The following SPSB1 variants were observed in gnomAD, a reference collection of about 807,000 sequenced individuals.
SPSB1 encodes splA/ryanodine receptor domain and SOCS box containing 1.
In SPSB1, 8 loss-of-function variants were observed where a neutral mutation model predicts 21.2. The observed-to-expected ratio is 0.38, with a 90% CI of 0.22 to 0.68. SPSB1 has a LOEUF of 0.68. SPSB1 is among the 30% of genes least tolerant of loss of function. The pLI, the probability that SPSB1 is intolerant of heterozygous loss-of-function variation, is 0.53. For missense variants in SPSB1, 242 were observed against 377.8 expected, an observed-to-expected ratio of 0.64 and a Z score of 2.98; for synonymous variants, 169 against 161.7, an observed-to-expected ratio of 1.05 and a Z score of -0.34.
intron 1 of SPSB1, chr1:9,339,319 G>A: frequency 2.0e-6 from 2 of 984,994 alleles, no homozygotes; most frequent in Non-Finnish European, 2.4e-6. Flanking sequence ...CATGTGGGTG[G>A]TCTCGGGTGG....
chr1:9,367,797 C>A lies in SPSB1; in HGVS notation c.*222C>A. The A allele has an allele frequency of 1.5e-6, 1 of 650,314 alleles. No individual in the cohort carries two copies. The highest frequency in any genetic ancestry group is 2.6e-6 in the Non-Finnish European group (1 of 387,290). The allele number at this position is 650,314 out of a possible 1,614,324, so 40.3% of individuals were successfully genotyped here. ...CCGACATCAGCAGAAGGCAGCATCC[C>A]TGCATGCCGTCCGTATACAACCCCT... On this transcript the variant is annotated 3_prime_UTR_variant, in exon 3 of 3. Coordinates refer to ENST00000328089, the MANE Select transcript of SPSB1 (RefSeq NM_025106.4). This position sits in a 1 kb window ranked among gnomAD's most constrained non-coding sequence, Gnocchi z 5.9.
chr1:9,321,708 G>A lies in SPSB1; in HGVS notation c.-150+28637G>A, dbSNP rs553996715. Among the ~76,000 whole-genome samples the A allele has an allele frequency of 1.3e-5, 2 of 152,218 alleles. No homozygotes were observed. The highest frequency in any genetic ancestry group is 4.1e-4 in the South Asian group (2 of 4,822). On this transcript the variant is annotated intron_variant, in intron 1 of 2. Coordinates refer to ENST00000328089, the MANE Select transcript of SPSB1 (RefSeq NM_025106.4). The surrounding 1 kb of genome is among the most constrained non-coding windows in gnomAD (Gnocchi z 4.8). Reference sequence around the variant, plus strand: ...CACTGTAATGTGCCCTTGACTCCAGGACCAGCCTGATGGCAGAGATCTTAA... The same window carrying A: ...CACTGTAATGTGCCCTTGACTCCAGAACCAGCCTGATGGCAGAGATCTTAA...
intron 1 of SPSB1, among the ~76,000 whole-genome samples, chr1:9,307,776 T>C (rs1432324805): frequency 6.6e-6 from 1 of 152,234 alleles, no homozygotes; most frequent in African/African-American, 2.4e-5. Context: ...CTATTAAAAA[T>C]GACACCTGTT....
chr1:9,350,040 A>C (rs988689183), intron 1 of SPSB1, among the ~76,000 whole-genome samples: 16 of 152,014 alleles, frequency 1.1e-4, no homozygotes, highest in African/African-American at 3.9e-4. Context: ...AAGACACACC[A>C]CACACATATA....
intron 1 of SPSB1, among the ~76,000 whole-genome samples, chr1:9,314,833 C>A (rs898748445): frequency 6.6e-6 from 1 of 152,160 alleles, no homozygotes; most frequent in African/African-American, 2.4e-5. Flanking sequence ...CCCCCGGGGT[C>A]AGGAAGGAGG....
At chr1:9,322,920 C>T (rs758255203) in intron 1 of SPSB1, among the ~76,000 whole-genome samples, 2 of 142,842 alleles carry the variant, frequency 1.4e-5, no homozygotes, top group Non-Finnish European at 3.1e-5. Context: ...TGTCTGGCTG[C>T]GTCAGACGTC....
At chr1:9,327,426 C>G (rs1569421) in intron 1 of SPSB1, among the ~76,000 whole-genome samples, 35,029 of 151,766 alleles carry the variant, frequency 0.23, 4,966 homozygotes, top group East Asian at 0.46. Context: ...AAATGAGGTT[C>G]TGGGGTGTAA....
intron 1 of SPSB1, among the ~76,000 whole-genome samples, chr1:9,294,246 CTT>C (rs1026391094): frequency 1.4e-5 from 2 of 145,820 alleles, no homozygotes; most frequent in South Asian, 2.3e-4. Flanking sequence ...CTTTGTGTCT[CTT>C]TGTGTGTCCA....
rs1434645294 is a variant in SPSB1, at chr1:9,367,418, C to T, written c.695-30C>T. On this transcript the variant is annotated intron_variant, in intron 2 of 2. Coordinates refer to ENST00000328089, the MANE Select transcript of SPSB1 (RefSeq NM_025106.4). The surrounding 1 kb of genome is among the most constrained non-coding windows in gnomAD (Gnocchi z 5.9). ...GTTTGCTGAACACCCACCCAAGCTG[C>T]GCTGACCTGCAGTTTCTCTGTCTCC... 15 of 1,612,774 alleles carry T rather than the reference C, an allele frequency of 9.3e-6. No individual in the cohort carries two copies. In the East Asian group the frequency reaches 1.8e-4, roughly 19 times the overall value.
At chr1:9,314,530 G>A (rs1004493543) in intron 1 of SPSB1, among the ~76,000 whole-genome samples, 6 of 152,240 alleles carry the variant, frequency 3.9e-5, no homozygotes, top group African/African-American at 1.4e-4. Flanking sequence ...AGAGAGGCAG[G>A]TTAGCGAAAG....
intron 1 of SPSB1, among the ~76,000 whole-genome samples, chr1:9,342,711 C>G (rs1438308834): frequency 2.0e-5 from 3 of 152,216 alleles, no homozygotes; most frequent in Admixed American, 1.3e-4. Flanking sequence ...ATCCGAGATG[C>G]AGGCACACAT....
At position 9,369,145 on chromosome 1, in the gene SPSB1, G is replaced by A. The variant is rs1243393566; in HGVS notation, c.*1570G>A. 1 of 152,106 alleles carries A rather than the reference G, an allele frequency of 6.6e-6. No homozygotes were observed. The highest frequency in any genetic ancestry group is 2.4e-5 in the African/African-American group (1 of 41,280). 9.4% of individuals were successfully genotyped at this position (152,106 alleles called of 1,614,324 possible). On this transcript the variant is annotated 3_prime_UTR_variant, in exon 3 of 3. Transcript: ENST00000328089. Reference sequence around the variant, plus strand: ...CTTACAGTGGAGTATATTTTTTAAAGCACAAAATTGGTGCCAAGACTGGGT... The same window carrying A: ...CTTACAGTGGAGTATATTTTTTAAAACACAAAATTGGTGCCAAGACTGGGT...
chr1:9,355,142 G>T (rs1640341483), intron 1 of SPSB1, among the ~76,000 whole-genome samples: 1 of 152,242 alleles, frequency 6.6e-6, no homozygotes, highest in Non-Finnish European at 1.5e-5. Flanking sequence ...GGCTCCTGGT[G>T]CCTTTCGTGC....
In SPSB1 at chr1:9,360,188, G is replaced by T. The variant is rs117001661; in HGVS notation, c.694+3603G>T. ...GCGAGGAGAAGAGGGCTGAGGCTGA[G>T]CCCTGCTTAGAGGCCAGGAGGGTGG... On this transcript the variant is annotated intron_variant, in intron 2 of 2. Transcript: ENST00000328089. Among the ~76,000 whole-genome samples the T allele has an allele frequency of 6.1e-4, 91 of 149,522 alleles. No individual in the cohort carries two copies. In the East Asian group the frequency reaches 0.018, roughly 30 times the overall value.
Position 9,355,815 on chromosome 1 carries a change from C to G in SPSB1, c.-77C>G, listed in dbSNP as rs547576855. The G allele has an allele frequency of 1.3e-6, 2 of 1,503,988 alleles. No homozygotes were observed. Among genetic ancestry groups the G allele is most frequent in the Non-Finnish European group, 1.8e-6 (2 of 1,126,910 alleles). The allele number at this position is 1,503,988 out of a possible 1,614,324, so 93.2% of individuals were successfully genotyped here. ...ATTAGGAATTCTGTCTGGCCCCGAT[C>G]AGAATACTGGAGACGAGACCACGAG... On this transcript the variant is annotated 5_prime_UTR_variant, in exon 2 of 3. In the 5' UTR this introduces an upstream ATG that the reference lacks. Transcript: ENST00000328089.
intron 1 of SPSB1, among the ~76,000 whole-genome samples, chr1:9,296,347 T>A (rs1639225650): frequency 6.6e-6 from 1 of 152,178 alleles, no homozygotes; most frequent in Admixed American, 6.5e-5. Flanking sequence ...AAAACTCGAA[T>A]CCAGACTTGG....
intron 1 of SPSB1, among the ~76,000 whole-genome samples, chr1:9,319,392 C>CTCCTCCCTCCTCCCTCCTCCT (rs1438761859): frequency 1.4e-5 from 2 of 141,754 alleles, no homozygotes; most frequent in East Asian, 1.9e-4. Flanking sequence ...TGCTTTGCTT[C>CTCCTCCCTCCTCCCTCCTCCT]TCCTCCCTCC....
intron 1 of SPSB1, among the ~76,000 whole-genome samples, chr1:9,353,058 C>T (rs564531910): frequency 3.9e-5 from 6 of 152,202 alleles, no homozygotes; most frequent in African/African-American, 1.4e-4. Flanking sequence ...ACCTCTGTGC[C>T]CACAGGACCC....
chr1:9,341,627 C>G (rs1020816063), intron 1 of SPSB1, among the ~76,000 whole-genome samples: 1 of 152,224 alleles, frequency 6.6e-6, no homozygotes, highest in South Asian at 2.1e-4. Context: ...CCAGTTTCCT[C>G]TTGGGAGAGA....
Sources: allele counts gnomAD v4.1 joint callset (sites outside exome capture counted in the v4.1 genomes callset), GRCh38; gene constraint gnomAD v4.1.1; non-coding constraint Gnocchi (gnomAD v3.1); transcripts MANE v1.5; gene names NCBI Gene and HGNC (gene_info 2026-07-23, HGNC 2026-07-21).